The following CREM variants were observed in gnomAD, a reference collection of about 807,000 sequenced individuals.
The protein encoded by CREM is cAMP responsive element modulator.
In CREM, 13 loss-of-function variants were observed where a neutral mutation model predicts 37.3. The ratio of observed to expected loss-of-function variants is 0.35; its 90% confidence interval spans 0.23 to 0.55. The LOEUF (loss-of-function observed/expected upper bound fraction) is 0.55, where lower values mean the gene tolerates loss of function less well. CREM is among the 20% of genes least tolerant of loss of function. The pLI, the probability that CREM is intolerant of heterozygous loss-of-function variation, is 0.88. For synonymous variants in CREM, 124 were observed against 120.2 expected (o/e 1.03, Z -0.21); for missense variants, 296 against 362.3 (o/e 0.82, Z 1.49).
intron 3 of CREM, among the ~76,000 whole-genome samples, chr10:35,156,846 ATG>A (rs1287041933): frequency 2.0e-5 from 3 of 152,066 alleles, no homozygotes; most frequent in Admixed American, 6.5e-5. Flanking sequence ...GGAAAAACAC[ATG>A]TCTTTAAACA....
intron 1 of CREM, 149 bp from the exon 2 acceptor site, chr10:35,137,633 G>A (rs1375984581): frequency 1.6e-5 from 5 of 314,322 alleles, no homozygotes; most frequent in Non-Finnish European, 2.9e-5. Flanking sequence ...TTGGTGGGGG[G>A]GAGTTATTTT....
chr10:35,170,381 C>T lies in CREM; in HGVS notation c.169-8508C>T, dbSNP rs533065623. Among the ~76,000 whole-genome samples, 3 of 152,274 alleles carry T rather than the reference C, an allele frequency of 2.0e-5. No homozygotes were observed. In the East Asian group the frequency reaches 5.8e-4, roughly 29 times the overall value. ...ATTCTCTTTTTTTGTTCTGTCTCTG[C>T]CAGGCTTTGGTATCAGGATGATGCT... On this transcript the variant is annotated intron_variant, in intron 3 of 7. Coordinates refer to ENST00000685392, the MANE Select transcript of CREM (RefSeq NM_183011.2).
chr10:35,157,492 G>A (rs557647867), intron 3 of CREM, among the ~76,000 whole-genome samples: 191 of 151,956 alleles, frequency 1.3e-3, no homozygotes, highest in African/African-American at 4.3e-3. Flanking sequence ...AATATTAGCC[G>A]GGCATGGTGG....
chr10:35,185,889 T>C (rs185859755), intron 5 of CREM, among the ~76,000 whole-genome samples: 25 of 152,366 alleles, frequency 1.6e-4, no homozygotes, highest in Middle Eastern at 3.4e-3. Context: ...TATCTTCCTG[T>C]GTAGACACTG....
chr10:35,158,958 T>G (rs1181824233), intron 3 of CREM, among the ~76,000 whole-genome samples: 1 of 152,044 alleles, frequency 6.6e-6, no homozygotes, highest in Non-Finnish European at 1.5e-5. Flanking sequence ...ATTTTCTTTC[T>G]TAGATCTAAT....
rs745664073 is a variant in CREM, at chr10:35,149,946, TA to T, written c.168+1463del. On this transcript the variant is annotated intron_variant, in intron 3 of 7. Coordinates refer to ENST00000685392, the MANE Select transcript of CREM (RefSeq NM_183011.2). ...CACACACACACACACACACCCTTGT[TA>T]AAAAAAATGCATGTTCATTGTAGAA... Among the ~76,000 whole-genome samples the T allele has an allele frequency of 1.8e-4, 12 of 68,310 alleles. No individual in the cohort carries two copies. In the East Asian group the frequency reaches 2.3e-3, roughly 13 times the overall value. 44.8% of individuals were successfully genotyped at this position (68,310 alleles called of 152,430 possible).
At chr10:35,187,456 C>T (rs970503524) in intron 5 of CREM, among the ~76,000 whole-genome samples, 4 of 149,174 alleles carry the variant, frequency 2.7e-5, no homozygotes, top group Non-Finnish European at 4.5e-5. Context: ...GGCGGGGTTT[C>T]ACCATATTGA....
At position 35,169,601 on chromosome 10, in the gene CREM, G is replaced by A. The variant is rs200757209; in HGVS notation, c.169-9288G>A. Among the ~76,000 whole-genome samples, 9 of 152,268 alleles carry A rather than the reference G, an allele frequency of 5.9e-5. No individual in the cohort carries two copies. The East Asian group carries it at 1.7e-3, about 29-fold the overall frequency. On this transcript the variant is annotated intron_variant, in intron 3 of 7. Transcript: ENST00000685392. ...TACCCTTTATTTCTTTCTCCTGCCT[G>A]ATTGCCCTGGCCAGAACTGCCAACA...
At chr10:35,142,678 G>T (rs1046586955) in intron 2 of CREM, among the ~76,000 whole-genome samples, 2 of 152,074 alleles carry the variant, frequency 1.3e-5, no homozygotes, top group Non-Finnish European at 2.9e-5. Flanking sequence ...CGATTATGGC[G>T]CACTGCAGTC....
At chr10:35,172,407 G>A (rs1417954962) in intron 3 of CREM, among the ~76,000 whole-genome samples, 2 of 152,084 alleles carry the variant, frequency 1.3e-5, no homozygotes, top group African/African-American at 4.8e-5. Context: ...CCATTTTCAC[G>A]GTGATGCTAA....
At chr10:35,153,546 C>T (rs1364621947) in intron 3 of CREM, among the ~76,000 whole-genome samples, 5 of 152,128 alleles carry the variant, frequency 3.3e-5, no homozygotes, top group South Asian at 2.1e-4. Context: ...TTCCTAGACT[C>T]TTGGGAATTG....
Position 35,188,091 on chromosome 10 carries a change from T to C in CREM, c.410-109T>C, listed in dbSNP as rs910648236. On this transcript the variant is annotated intron_variant, in intron 5 of 7. Coordinates refer to ENST00000685392, the MANE Select transcript of CREM (RefSeq NM_183011.2). ...TTCAGCATAGAAAATAAGGGTAACC[T>C]GAGAAAGAAGCAATGGTAATAAATA... 67 of 1,096,998 alleles carry C rather than the reference T, an allele frequency of 6.1e-5. No individual in the cohort carries two copies. In the African/African-American group the frequency reaches 9.6e-4, roughly 16 times the overall value. The allele number at this position is 1,096,998 out of a possible 1,614,324, so 68.0% of individuals were successfully genotyped here.
intron 1 of CREM, among the ~76,000 whole-genome samples, chr10:35,134,558 T>G (rs1190505426): frequency 1.3e-5 from 2 of 152,166 alleles, no homozygotes; most frequent in Non-Finnish European, 2.9e-5. Flanking sequence ...CTTTTCTCTA[T>G]CAGCATATTG....
At chr10:35,129,690 T>C (rs1589137072) in intron 1 of CREM, among the ~76,000 whole-genome samples, 1 of 152,216 alleles carries the variant, frequency 6.6e-6, no homozygotes, top group African/African-American at 2.4e-5. Flanking sequence ...AGCTGAACGA[T>C]TGAGAGACGT....
intron 3 of CREM, among the ~76,000 whole-genome samples, chr10:35,161,818 T>C (rs2093313792): frequency 6.6e-6 from 1 of 152,190 alleles, no homozygotes; most frequent in African/African-American, 2.4e-5. Flanking sequence ...ACTTATACAC[T>C]GACGGTGGGA....
At chr10:35,207,133 C>G in intron 7 of CREM, 82 bp downstream of exon 7, 1 of 1,443,094 alleles carries the variant, frequency 6.9e-7, no homozygotes, top group Non-Finnish European at 9.4e-7. Context: ...TGGCTCACGC[C>G]TGTAATCCCA....
At chr10:35,154,202 T>C (rs981150009) in intron 3 of CREM, 14 of 396,856 alleles carry the variant, frequency 3.5e-5, no homozygotes, top group Non-Finnish European at 5.8e-5. Flanking sequence ...TGGTGGAAAA[T>C]TGGAATGGCA....
intron 5 of CREM, chr10:35,179,897 A>G (rs1233612736): frequency 6.6e-6 from 1 of 152,392 alleles, no homozygotes; most frequent in Non-Finnish European, 1.5e-5. Context: ...TGCTCTGATT[A>G]AAGCACTAGT....
intron 6 of CREM, among the ~76,000 whole-genome samples, chr10:35,198,069 C>G (rs2095266058): frequency 1.3e-5 from 2 of 152,142 alleles, no homozygotes; most frequent in African/African-American, 4.8e-5. Context: ...TTTTAAAATG[C>G]TATTCTTGAC....
Sources: allele counts gnomAD v4.1 joint callset (sites outside exome capture counted in the v4.1 genomes callset), GRCh38; gene constraint gnomAD v4.1.1; transcripts MANE v1.5; gene names NCBI Gene and HGNC (gene_info 2026-07-23, HGNC 2026-07-21).